SMG6: variants seen among roughly 807,000 people sequenced by gnomAD.
SMG6 encodes telomerase-binding protein EST1A.
In SMG6, 66 loss-of-function variants were observed where a neutral mutation model predicts 142.2. The observed-to-expected ratio is 0.46, with a 90% CI of 0.38 to 0.57. The LOEUF (loss-of-function observed/expected upper bound fraction) is 0.57. Among genes scored for constraint, SMG6 ranks in the 20% least tolerant of loss-of-function variants. The pLI, the probability that SMG6 is intolerant of heterozygous loss-of-function variation, is 0.00. For missense variants in SMG6, 1,793 were observed against 1,832.0 expected, an observed-to-expected ratio of 0.98 and a Z score of 0.39; for synonymous variants, 779 against 702.4, an observed-to-expected ratio of 1.11 and a Z score of -1.72.
At chr17:2,191,431 G>A (rs550959333) in intron 10 of SMG6, among the ~76,000 whole-genome samples, 2 of 152,322 alleles carry the variant, frequency 1.3e-5, no homozygotes, top group African/African-American at 4.8e-5. Context: ...AAGCCAACAA[G>A]TGATGTGGGG....
intron 10 of SMG6, among the ~76,000 whole-genome samples, chr17:2,200,285 C>T (rs772828487): frequency 3.3e-5 from 5 of 151,896 alleles, no homozygotes; most frequent in Non-Finnish European, 5.9e-5. Context: ...GTAAACTTTG[C>T]TGAAAAGTGG....
chr17:2,204,144 T>A (rs900368209), intron 10 of SMG6, among the ~76,000 whole-genome samples: 9 of 152,182 alleles, frequency 5.9e-5, no homozygotes, highest in Non-Finnish European at 1.0e-4. Context: ...TTTTTAAAAG[T>A]CTGACAGTGT....
At chr17:2,253,159 T>TTTATTTA (rs1567720216) in intron 8 of SMG6, among the ~76,000 whole-genome samples, 4,144 of 109,982 alleles carry the variant, frequency 0.038, 94 homozygotes, top group Admixed American at 0.089. Flanking sequence ...TTATTTATTT[T>TTTATTTA]GAGATGGAGT....
chr17:2,145,902 G>C (rs1294731683), intron 13 of SMG6, among the ~76,000 whole-genome samples: 1 of 151,980 alleles, frequency 6.6e-6, no homozygotes, highest in Non-Finnish European at 1.5e-5. Flanking sequence ...CTGTTCCTGA[G>C]TAGATGAATG....
chr17:2,279,868 G>A (rs897692950), intron 8 of SMG6, among the ~76,000 whole-genome samples: 4 of 152,152 alleles, frequency 2.6e-5, no homozygotes, highest in African/African-American at 7.2e-5. Context: ...ATGCCTTTAC[G>A]ACATCTTTAA....
intron 10 of SMG6, among the ~76,000 whole-genome samples, chr17:2,225,977 C>T (rs1173573987): frequency 3.3e-5 from 5 of 152,172 alleles, no homozygotes; most frequent in Admixed American, 3.3e-4. Flanking sequence ...ATAGAGAGAA[C>T]TCTTAAGACG....
intron 9 of SMG6, among the ~76,000 whole-genome samples, chr17:2,241,931 T>C (rs2151296935): frequency 6.6e-6 from 1 of 152,302 alleles, no homozygotes; most frequent in South Asian, 2.1e-4. Context: ...AGGGGCAACT[T>C]TGTCTCCCAG....
intron 4 of SMG6, among the ~76,000 whole-genome samples, chr17:2,294,382 A>G (rs1217220094): frequency 1.3e-5 from 2 of 152,184 alleles, no homozygotes; most frequent in Non-Finnish European, 2.9e-5. Flanking sequence ...AAACAAAACA[A>G]AACAAATTCT....
intron 13 of SMG6, among the ~76,000 whole-genome samples, chr17:2,099,701 C>T (rs998028271): frequency 3.3e-5 from 5 of 152,198 alleles, no homozygotes; most frequent in Admixed American, 1.3e-4. Flanking sequence ...ACTAGCCTAT[C>T]CATAGCTCGG....
At chr17:2,242,585 C>G (rs1488400453) in intron 9 of SMG6, among the ~76,000 whole-genome samples, 1 of 145,414 alleles carries the variant, frequency 6.9e-6, no homozygotes, top group Non-Finnish European at 1.5e-5. Flanking sequence ...GTCCCAGTGA[C>G]ACGGGAGGCT....
At chr17:2,117,097 ATTT>A (rs11371517) in intron 13 of SMG6, among the ~76,000 whole-genome samples, 2 of 145,496 alleles carry the variant, frequency 1.4e-5, no homozygotes, top group Non-Finnish European at 1.5e-5. Context: ...TGGCTTTTAA[ATTT>A]TTTTTTTTTT....
At chr17:2,129,581 G>A (rs773622320) in intron 13 of SMG6, among the ~76,000 whole-genome samples, 30 of 151,962 alleles carry the variant, frequency 2.0e-4, no homozygotes, top group Admixed American at 3.3e-4. Context: ...ACCACTTGAG[G>A]TCAGGAGTTC....
intron 12 of SMG6, among the ~76,000 whole-genome samples, chr17:2,178,407 G>A (rs145962686): frequency 2.2e-4 from 33 of 152,254 alleles, no homozygotes; most frequent in African/African-American, 7.9e-4. Context: ...CTTAGATGAA[G>A]GTAATCCCTT....
intron 10 of SMG6, among the ~76,000 whole-genome samples, chr17:2,212,027 C>T (rs1335230741): frequency 6.6e-6 from 1 of 152,230 alleles, no homozygotes; most frequent in Non-Finnish European, 1.5e-5. Flanking sequence ...ATCAGCATCT[C>T]TGAAAGTCAC....
chr17:2,211,613 G>A (rs1184243001), intron 10 of SMG6, among the ~76,000 whole-genome samples: 3 of 149,964 alleles, frequency 2.0e-5, no homozygotes, highest in Non-Finnish European at 4.4e-5. Context: ...GCAGTGAGCC[G>A]AGATCGTGCC....
chr17:2,200,695 C>T (rs558929974), intron 10 of SMG6, among the ~76,000 whole-genome samples: 1 of 152,038 alleles, frequency 6.6e-6, no homozygotes, highest in Non-Finnish European at 1.5e-5. Context: ...CACACATACA[C>T]ACAATTTAAT....
intron 1 of SMG6, among the ~76,000 whole-genome samples, chr17:2,302,331 C>G (rs2075298966): frequency 2.0e-5 from 3 of 152,108 alleles, no homozygotes; most frequent in Admixed American, 6.5e-5. Context: ...ATCACGAGGA[C>G]AGGAGTCCAG....
At chr17:2,266,248 G>T in intron 8 of SMG6, 1 of 885,018 alleles carries the variant, frequency 1.1e-6, no homozygotes, top group Non-Finnish European at 1.4e-6. Context: ...AAAGTGGCCT[G>T]TGGGTAACAC....
chr17:2,127,919 C>A (rs190581778), intron 13 of SMG6: 3 of 566,962 alleles, frequency 5.3e-6, no homozygotes, highest in Middle Eastern at 3.0e-4. Flanking sequence ...GCCTCCAGTA[C>A]CTGGACCAAT....
Sources: gnomAD v4.1 joint callset for allele counts (sites outside exome capture counted in the v4.1 genomes callset) on GRCh38, gnomAD v4.1.1 for gene constraint, MANE v1.5 for transcripts, NCBI Gene and HGNC (gene_info 2026-07-23, HGNC 2026-07-21) for gene names.